MCU: variants seen among roughly 807,000 people sequenced by gnomAD.
MCU encodes the protein mitochondrial calcium uniporter, also known as calcium uniporter protein, mitochondrial.
Under a neutral mutation model 45.2 loss-of-function variants are expected in MCU, and 12 were observed. That is an observed-to-expected ratio of 0.27 (90% confidence interval 0.17 to 0.43). The LOEUF is 0.43. Ranked by LOEUF, MCU falls within the 20% of genes least tolerant of loss-of-function variation. MCU has a pLI of 1.00. For missense variants in MCU, 324 were observed against 436.7 expected, an observed-to-expected ratio of 0.74 and a Z score of 2.30; for synonymous variants, 160 against 165.1, an observed-to-expected ratio of 0.97 and a Z score of 0.24.
intron 4 of MCU, among the ~76,000 whole-genome samples, chr10:72,862,175 G>A (rs1202130096): frequency 2.0e-5 from 3 of 151,844 alleles, no homozygotes; most frequent in Non-Finnish European, 4.4e-5. Flanking sequence ...TAGAGACGGG[G>A]TTTCACCGTG....
chr10:72,810,104 C>A (rs542892381), intron 1 of MCU, among the ~76,000 whole-genome samples: 2 of 151,848 alleles, frequency 1.3e-5, no homozygotes, highest in South Asian at 2.1e-4. Context: ...GAGAAAGGAG[C>A]TATTGAAGTT....
intron 1 of MCU, among the ~76,000 whole-genome samples, chr10:72,794,416 G>T (rs182696939): frequency 8.5e-5 from 13 of 152,256 alleles, no homozygotes; most frequent in Non-Finnish European, 4.4e-5. Flanking sequence ...CTGCCTATGG[G>T]GTTGTTTCCT....
At chr10:72,819,156 G>C (rs1261454510) in intron 1 of MCU, among the ~76,000 whole-genome samples, 1 of 152,170 alleles carries the variant, frequency 6.6e-6, no homozygotes, top group Non-Finnish European at 1.5e-5. Flanking sequence ...CAATAGCAGA[G>C]AGGGATTTAG....
intron 6 of MCU, among the ~76,000 whole-genome samples, chr10:72,881,423 G>A (rs1162775955): frequency 6.6e-6 from 1 of 152,078 alleles, no homozygotes; most frequent in African/African-American, 2.4e-5. Context: ...GCACTGTGGT[G>A]TATGCCTGTA....
chr10:72,833,516 C>T (rs1285067679), intron 1 of MCU, among the ~76,000 whole-genome samples: 1 of 152,154 alleles, frequency 6.6e-6, no homozygotes, highest in African/African-American at 2.4e-5. Context: ...TTAGTAGATA[C>T]TAAATGATTT....
intron 2 of MCU, among the ~76,000 whole-genome samples, chr10:72,843,001 C>G (rs184177577): frequency 6.6e-6 from 1 of 151,958 alleles, no homozygotes; most frequent in South Asian, 2.1e-4. Context: ...TACTAAAAAG[C>G]AGACTTTTTT....
At chr10:72,741,287 G>C (rs1210329570) in intron 1 of MCU, among the ~76,000 whole-genome samples, 2 of 151,928 alleles carry the variant, frequency 1.3e-5, no homozygotes, top group Non-Finnish European at 2.9e-5. Context: ...TTTTAATAGA[G>C]GTGGGGTTTC....
At chr10:72,735,158 A>G (rs2132689549) in intron 1 of MCU, among the ~76,000 whole-genome samples, 1 of 150,762 alleles carries the variant, frequency 6.6e-6, no homozygotes, top group South Asian at 2.1e-4. Flanking sequence ...AGTGTTCAGC[A>G]TTTTTATTAA....
At chr10:72,780,898 A>AAATAT (rs1843982886) in intron 1 of MCU, among the ~76,000 whole-genome samples, 1 of 152,220 alleles carries the variant, frequency 6.6e-6, no homozygotes, top group Admixed American at 6.5e-5. Context: ...AACGTAACAC[A>AAATAT]AATATAATGA....
intron 1 of MCU, among the ~76,000 whole-genome samples, chr10:72,822,147 A>C (rs1844721583): frequency 6.6e-6 from 1 of 152,094 alleles, no homozygotes; most frequent in African/African-American, 2.4e-5. Flanking sequence ...GTGGTGACAG[A>C]CACCAATCCC....
chr10:72,699,743 C>T (rs1842733991), intron 1 of MCU, among the ~76,000 whole-genome samples: 1 of 151,784 alleles, frequency 6.6e-6, no homozygotes, highest in Non-Finnish European at 1.5e-5. Flanking sequence ...AGGTGTGCGC[C>T]ACCGCCCCCT....
intron 1 of MCU, among the ~76,000 whole-genome samples, chr10:72,794,002 C>A (rs1236040265): frequency 2.6e-5 from 4 of 152,114 alleles, no homozygotes; most frequent in Non-Finnish European, 4.4e-5. Context: ...ACATTCAATA[C>A]CTCTATCAGT....
At position 72,745,418 on chromosome 10, in the gene MCU, A is replaced by G. The variant is rs117308454; in HGVS notation, c.150+53117A>G. Among the ~76,000 whole-genome samples, 907 of 152,260 alleles carry G rather than the reference A, an allele frequency of 6.0e-3. 9 individuals carry two copies. Among genetic ancestry groups the G allele is most frequent in the Non-Finnish European group, 9.5e-3 (643 of 68,018 alleles). On this transcript the variant is annotated intron_variant, in intron 1 of 7. Transcript: ENST00000373053. ...GGTTTTTTCTATTTTTAGTAGAAAC[A>G]GCGTTTCACCATGTTAGCCAGGCTG...
chr10:72,769,886 G>A (rs927349984), intron 1 of MCU, among the ~76,000 whole-genome samples: 2 of 152,108 alleles, frequency 1.3e-5, no homozygotes, highest in African/African-American at 4.8e-5. Flanking sequence ...TGTTAGGTCG[G>A]TGTTTTGGTT....
At chr10:72,812,665 G>C (rs757393373) in intron 1 of MCU, among the ~76,000 whole-genome samples, 5 of 152,230 alleles carry the variant, frequency 3.3e-5, no homozygotes, top group African/African-American at 1.2e-4. Flanking sequence ...TATCATGAAG[G>C]GCTGTTTTCT....
intron 1 of MCU, among the ~76,000 whole-genome samples, chr10:72,822,584 A>G (rs1329623749): frequency 6.6e-6 from 1 of 152,244 alleles, no homozygotes; most frequent in Non-Finnish European, 1.5e-5. Flanking sequence ...GTCAGTAAGC[A>G]TATGAAAAGA....
intron 1 of MCU, among the ~76,000 whole-genome samples, chr10:72,758,820 C>G (rs1429538063): frequency 6.6e-6 from 1 of 152,110 alleles, no homozygotes; most frequent in Non-Finnish European, 1.5e-5. Flanking sequence ...AAAAATCTCT[C>G]TTTTCCGTAA....
intron 1 of MCU, among the ~76,000 whole-genome samples, chr10:72,810,246 G>C (rs1032752497): frequency 2.7e-4 from 41 of 151,960 alleles, no homozygotes; most frequent in African/African-American, 9.9e-4. Flanking sequence ...AGAGAAACTT[G>C]GTGTTGGAGA....
intron 1 of MCU, among the ~76,000 whole-genome samples, chr10:72,754,117 T>C (rs1442360201): frequency 6.6e-6 from 1 of 152,166 alleles, no homozygotes; most frequent in Non-Finnish European, 1.5e-5. Flanking sequence ...GGTGAACCAA[T>C]GAGGAAGCCA....
Sources: gnomAD v4.1 joint callset for allele counts (sites outside exome capture counted in the v4.1 genomes callset) on GRCh38, gnomAD v4.1.1 for gene constraint, MANE v1.5 for transcripts, NCBI Gene and HGNC (gene_info 2026-07-23, HGNC 2026-07-21) for gene names.